The following ARFGEF1 variants were observed in gnomAD, a reference collection of about 807,000 sequenced individuals.
The protein encoded by ARFGEF1 is ARF guanine nucleotide exchange factor 1.
Under a neutral mutation model 231.0 loss-of-function variants are expected in ARFGEF1, and 42 were observed. The observed-to-expected ratio is 0.18, with a 90% CI of 0.14 to 0.24. The LOEUF (loss-of-function observed/expected upper bound fraction) is 0.24, where lower values mean the gene tolerates loss of function less well. Ranked by LOEUF, ARFGEF1 falls within the 10% of genes least tolerant of loss-of-function variation. The pLI is 1.00. For missense variants in ARFGEF1, 1,345 were observed against 2,192.0 expected (o/e 0.61, Z 7.72); for synonymous variants, 710 against 732.3 (o/e 0.97, Z 0.49).
intron 1 of ARFGEF1, among the ~76,000 whole-genome samples, chr8:67,342,835 A>G (rs1389781412): frequency 1.3e-5 from 2 of 152,126 alleles, no homozygotes; most frequent in Admixed American, 1.3e-4. Flanking sequence ...GCTTCATCAC[A>G]AAGGGTGGTA....
At chr8:67,240,625 C>G (rs1839900577) in intron 19 of ARFGEF1, among the ~76,000 whole-genome samples, 1 of 152,164 alleles carries the variant, frequency 6.6e-6, no homozygotes, top group South Asian at 2.1e-4. Context: ...TAAGCTTTGT[C>G]TCTTGCAATA....
At chr8:67,291,800 A>G in intron 6 of ARFGEF1, 47 bp downstream of exon 6, 1 of 1,579,868 alleles carries the variant, frequency 6.3e-7, no homozygotes, top group Non-Finnish European at 8.6e-7. Context: ...TCATTCCTAC[A>G]CATTTCCCTT....
chr8:67,280,123 T>C (rs1332388210), intron 7 of ARFGEF1, among the ~76,000 whole-genome samples: 2 of 152,248 alleles, frequency 1.3e-5, no homozygotes, highest in East Asian at 3.8e-4. Flanking sequence ...ATTTATTGCC[T>C]ATGACTGAAC....
Position 67,238,393 on chromosome 8 carries a change from A to T in ARFGEF1, c.3239T>A (p.Leu1080His). The change falls in exon 22 of 39, where the codon CTT becomes CAT. Residue 1080 changes from leucine to histidine, a missense_variant. Leu to His is a moderately conservative substitution (Grantham distance 99). This residue lies in a region of ARFGEF1 where 146 missense variants were observed against 321.4 expected (regional missense o/e 0.45). Coordinates refer to ENST00000262215, the MANE Select transcript of ARFGEF1 (RefSeq NM_006421.5). ...AGGAGCCTGATCTTTTGTTCCAGTA[A>T]GAGATCCTTCTCTGCCTCGCACTGT... ...SGTVRGREGS[L>H]TGTKDQAPDE... 1 of 1,613,480 alleles carries T rather than the reference A, an allele frequency of 6.2e-7. No homozygotes were observed. The highest frequency in any genetic ancestry group is 8.5e-7 in the Non-Finnish European group (1 of 1,179,714).
chr8:67,234,151 A>G (rs1462081877), intron 22 of ARFGEF1, among the ~76,000 whole-genome samples: 2 of 152,128 alleles, frequency 1.3e-5, no homozygotes, highest in Non-Finnish European at 2.9e-5. Flanking sequence ...TCTGAATGCA[A>G]ACATAACAGA....
At chr8:67,237,877 CTAA>C (rs1255349663) in intron 22 of ARFGEF1, among the ~76,000 whole-genome samples, 1 of 152,052 alleles carries the variant, frequency 6.6e-6, no homozygotes, top group Non-Finnish European at 1.5e-5. Context: ...CCCATTTTTG[CTAA>C]TGTTTTCTTT....
Position 67,217,902 on chromosome 8 carries a change from C to T in ARFGEF1, c.4493G>A (p.Arg1498Gln). Residue 1498 changes from arginine to glutamine, a missense_variant, in exon 32 of 39, where the codon CGA (arginine) becomes CAA (glutamine). This residue lies in a region of ARFGEF1 where 54 missense variants were observed against 86.5 expected (regional missense o/e 0.62). Transcript: ENST00000262215. ...CVQQDNEQLARSGTNCLENVV... is the reference protein window; with the variant it reads ...CVQQDNEQLAQSGTNCLENVV... ...ATTCTCTAAACAGTTTGTACCAGAT[C>T]GCGCTAACTGCTCATTGTCTAGGAA... The T allele has an allele frequency of 2.5e-6, 4 of 1,613,718 alleles. No individual in the cohort carries two copies. Among genetic ancestry groups the T allele is most frequent in the Non-Finnish European group, 3.4e-6 (4 of 1,179,830 alleles).
intron 17 of ARFGEF1, among the ~76,000 whole-genome samples, chr8:67,255,799 C>A (rs1840435831): frequency 6.6e-6 from 1 of 152,200 alleles, no homozygotes; most frequent in Admixed American, 6.5e-5. Context: ...GACTAGGACT[C>A]CAAGCACATG....
intron 20 of ARFGEF1, among the ~76,000 whole-genome samples, 181 bp from the exon 21 acceptor site, chr8:67,239,074 T>A (rs1311517564): frequency 6.6e-6 from 1 of 151,940 alleles, no homozygotes; most frequent in Admixed American, 6.6e-5. Context: ...TGGCGCAATC[T>A]CGGCTCACTG....
At chr8:67,181,646 A>G (rs114300173) in intron 5 of ARFGEF1, among the ~76,000 whole-genome samples, 70 of 152,328 alleles carry the variant, frequency 4.6e-4, no homozygotes, top group African/African-American at 1.7e-3. Context: ...TCAGTGCATT[A>G]TTTTAAAAAA....
intron 5 of ARFGEF1, among the ~76,000 whole-genome samples, chr8:67,188,859 G>A (rs951964626): frequency 1.3e-5 from 2 of 152,104 alleles, no homozygotes; most frequent in African/African-American, 4.8e-5. Flanking sequence ...TGGGTTCCAC[G>A]GTTCTCTTCT....
intron 1 of ARFGEF1, among the ~76,000 whole-genome samples, chr8:67,340,256 T>C (rs1168929257): frequency 6.6e-6 from 1 of 152,224 alleles, no homozygotes; most frequent in Non-Finnish European, 1.5e-5. Flanking sequence ...GCTCAATAAA[T>C]ATTTGGGGAA....
chr8:67,317,963 C>A (rs571565424), intron 1 of ARFGEF1, among the ~76,000 whole-genome samples: 4 of 144,168 alleles, frequency 2.8e-5, no homozygotes, highest in African/African-American at 1.0e-4. Flanking sequence ...ACAGGCCAGG[C>A]GCGGTGGCTC....
At chr8:67,222,269 A>ATTT (rs1174208098) in intron 29 of ARFGEF1, among the ~76,000 whole-genome samples, 7 of 101,972 alleles carry the variant, frequency 6.9e-5, no homozygotes, top group African/African-American at 1.1e-4. Flanking sequence ...GTATGTATGT[A>ATTT]TTTTTTTTTT....
chr8:67,332,416 C>G (rs1023920194), intron 1 of ARFGEF1, among the ~76,000 whole-genome samples: 3 of 152,152 alleles, frequency 2.0e-5, no homozygotes, highest in Non-Finnish European at 4.4e-5. Context: ...TGTTACAGGG[C>G]ACATTAAATT....
At position 67,216,713 on chromosome 8, in the gene ARFGEF1, A is replaced by C. The variant is rs772700193; in HGVS notation, c.4614-51T>G. On this transcript the variant is annotated intron_variant, in intron 32 of 38. Coordinates refer to ENST00000262215, the MANE Select transcript of ARFGEF1 (RefSeq NM_006421.5). The stretch of plus-strand genomic sequence containing the variant: ...TCACTAGGGGGCTGTGCCACATGCC[A>C]CATCCAGCATATTTTGAAATGGGCC... 9.2e-6 allele frequency: 13 copies of C among 1,420,392 alleles called. No individual in the cohort carries two copies. The Admixed American group carries it at 3.0e-4, about 33-fold the overall frequency. The allele number at this position is 1,420,392 out of a possible 1,614,324, so 88.0% of individuals were successfully genotyped here. A position where few individuals can be genotyped will look rare whatever the true frequency, so the allele number is the denominator to read the frequency against.
intron 3 of ARFGEF1, among the ~76,000 whole-genome samples, chr8:67,300,127 G>C (rs1806412172): frequency 1.3e-5 from 2 of 152,076 alleles, no homozygotes; most frequent in South Asian, 4.1e-4. Flanking sequence ...TACTAGCTGA[G>C]ATAAATCATA....
rs1231057499 is a variant in ARFGEF1 at position 67,236,366 on chromosome 8, ATATATATATATAT to A, written c.3289+1964_3289+1976del. Among the ~76,000 whole-genome samples, 104 of 17,720 alleles carry A rather than the reference ATATATATATATAT, an allele frequency of 5.9e-3. 3 individuals carry two copies. The highest frequency in any genetic ancestry group is 0.017 in the South Asian group (5 of 286). The allele number at this position is 17,720 out of a possible 152,430, so 11.6% of individuals were successfully genotyped here. ...ATATTAGTTAAAAAAAAAAAAAAAA[ATATATATATATAT>A]ATATATATATATATATATATATATA... On this transcript the variant is annotated intron_variant, in intron 22 of 38. Transcript: ENST00000262215.
intron 5 of ARFGEF1, among the ~76,000 whole-genome samples, chr8:67,186,531 G>T (rs1027185122): frequency 1.1e-4 from 16 of 151,944 alleles, no homozygotes; most frequent in African/African-American, 3.9e-4. Context: ...GAATAGAGGG[G>T]GAACTTCTGC....
Sources: allele counts gnomAD v4.1 joint callset (sites outside exome capture counted in the v4.1 genomes callset), GRCh38; gene constraint gnomAD v4.1.1; regional missense constraint gnomAD v4.1.1; transcripts MANE v1.5; gene names NCBI Gene and HGNC (gene_info 2026-07-23, HGNC 2026-07-21).